GATAD1: variants seen among roughly 807,000 people sequenced by gnomAD.
The protein encoded by GATAD1 is GATA zinc finger domain-containing protein 1.
Under a neutral mutation model 26.5 loss-of-function variants are expected in GATAD1, and 12 were observed. That is an observed-to-expected ratio of 0.45 (90% confidence interval 0.29 to 0.73). GATAD1 has a LOEUF of 0.73. Ranked by LOEUF, GATAD1 falls within the 30% of genes least tolerant of loss-of-function variation. The probability of loss-of-function intolerance (pLI) is 0.10; values close to 1 mark genes in which losing one functional copy is unlikely to be tolerated. For missense variants in GATAD1, 266 were observed against 342.1 expected (o/e 0.78, Z 1.75); for synonymous variants, 129 against 133.1 (o/e 0.97, Z 0.21).
the GATAD1 span, among the ~76,000 whole-genome samples, chr7:92,466,210 G>A: frequency 1.3e-5 from 2 of 151,796 alleles, no homozygotes; most frequent in South Asian, 2.1e-4. Flanking sequence ...ACTGTCACCC[G>A]GGCTGGAGTG....
the GATAD1 span, chr7:92,487,378 G>A: frequency 4.0e-6 from 3 of 746,906 alleles, no homozygotes; most frequent in Non-Finnish European, 7.0e-6. Flanking sequence ...GAAATTCATA[G>A]ACACCATTTT....
chr7:92,479,019 A>ACACCG, the GATAD1 span, among the ~76,000 whole-genome samples: 1 of 152,194 alleles, frequency 6.6e-6, no homozygotes, highest in Non-Finnish European at 1.5e-5. Context: ...TGCAAATCAG[A>ACACCG]CACCGCCTCC....
the GATAD1 span, among the ~76,000 whole-genome samples, chr7:92,488,606 T>C: frequency 6.6e-6 from 1 of 152,188 alleles, no homozygotes; most frequent in African/African-American, 2.4e-5. Context: ...TTGAGGTCAA[T>C]AAAATATTAA....
chr7:92,479,186 G>A, the GATAD1 span, among the ~76,000 whole-genome samples: 3 of 152,130 alleles, frequency 2.0e-5, no homozygotes, highest in Non-Finnish European at 2.9e-5. Context: ...ATGTGTGTCC[G>A]TGTTGTTGTC....
the GATAD1 span, among the ~76,000 whole-genome samples, chr7:92,492,326 C>T: frequency 0.93 from 141,653 of 152,208 alleles, 66,015 homozygotes; most frequent in African/African-American, 0.98. Flanking sequence ...AAATTTTTCA[C>T]AGAGACAAGA....
the GATAD1 span, chr7:92,468,619 C>T: frequency 3.6e-6 from 2 of 560,650 alleles, no homozygotes; most frequent in Non-Finnish European, 6.3e-6. Flanking sequence ...GTTGCAAGCC[C>T]CGTGTTTAAA....
chr7:92,479,780 G>A, the GATAD1 span, among the ~76,000 whole-genome samples: 4,857 of 152,124 alleles, frequency 0.032, 108 homozygotes, highest in Non-Finnish European at 0.042. Context: ...GGTAAGGGGC[G>A]ATATTGTGGG....
chr7:92,450,689 G>A lies in GATAD1; in HGVS notation c.376-12G>A. The A allele has an allele frequency of 6.3e-7, 1 of 1,587,224 alleles. No homozygotes were observed. Among genetic ancestry groups the A allele is most frequent in the Non-Finnish European group, 8.7e-7 (1 of 1,156,064 alleles). On this transcript the variant is annotated splice_polypyrimidine_tract_variant and intron_variant, in intron 2 of 4. Transcript: ENST00000287957. ...TACTATGAATGTGCTAATGTTTTTT[G>A]TATTTTCATAGCCCATCAAAGCTCC...
the GATAD1 span, chr7:92,469,437 GT>G: frequency 1.3e-6 from 1 of 771,132 alleles, no homozygotes; most frequent in Non-Finnish European, 2.4e-6. Flanking sequence ...GTACTCTTTT[GT>G]TGCGGGGCTT....
chr7:92,465,623 A>G, the GATAD1 span, among the ~76,000 whole-genome samples: 1 of 152,086 alleles, frequency 6.6e-6, no homozygotes. Context: ...CATCTCAAAA[A>G]AAAAAAGAAA....
At chr7:92,455,453 C>T (rs998052194) in intron 4 of GATAD1, among the ~76,000 whole-genome samples, 12 of 152,188 alleles carry the variant, frequency 7.9e-5, no homozygotes, top group African/African-American at 2.9e-4. Context: ...GCATGCTACA[C>T]ATGTCATCTT....
At chr7:92,468,772 C>T in the GATAD1 span, 1 of 734,968 alleles carries the variant, frequency 1.4e-6, no homozygotes, top group Non-Finnish European at 2.5e-6. Flanking sequence ...GCTCTAACTG[C>T]TTCCTGCTGA....
chr7:92,452,547 A>G (rs1338129334), intron 3 of GATAD1, among the ~76,000 whole-genome samples: 2 of 152,122 alleles, frequency 1.3e-5, no homozygotes, highest in African/African-American at 2.4e-5. Flanking sequence ...GTGGCAGAAC[A>G]ACTCCATGAA....
chr7:92,455,152 T>C (rs1280192830), intron 4 of GATAD1, among the ~76,000 whole-genome samples: 1 of 151,780 alleles, frequency 6.6e-6, no homozygotes, highest in East Asian at 1.9e-4. Context: ...AAAGCATGAG[T>C]ATTATTAAGT....
the GATAD1 span, chr7:92,468,636 T>C: frequency 2.5e-4 from 147 of 580,592 alleles, no homozygotes; most frequent in Non-Finnish European, 4.0e-4. Context: ...TAAAGGTGGA[T>C]GTGGTCACCT....
chr7:92,479,349 G>C, the GATAD1 span, among the ~76,000 whole-genome samples: 1 of 152,164 alleles, frequency 6.6e-6, no homozygotes, highest in Non-Finnish European at 1.5e-5. Context: ...GTGGGTAGTG[G>C]AGGGGCAGGG....
At chr7:92,467,270 A>C in the GATAD1 span, among the ~76,000 whole-genome samples, 1 of 152,048 alleles carries the variant, frequency 6.6e-6, no homozygotes, top group East Asian at 1.9e-4. Context: ...CCGAGATTGC[A>C]CCATTGCACT....
chr7:92,476,926 AT>A, the GATAD1 span, among the ~76,000 whole-genome samples: 1 of 152,172 alleles, frequency 6.6e-6, no homozygotes, highest in Non-Finnish European at 1.5e-5. Flanking sequence ...GTCTGAACCA[AT>A]AGTACCTAGG....
the GATAD1 span, chr7:92,470,248 C>A: frequency 1.3e-5 from 10 of 778,546 alleles, no homozygotes; most frequent in Non-Finnish European, 2.2e-5. Flanking sequence ...ATCAATATTT[C>A]CGGGACGCTG....
Sources: allele counts gnomAD v4.1 joint callset (sites outside exome capture counted in the v4.1 genomes callset), GRCh38; gene constraint gnomAD v4.1.1; transcripts MANE v1.5; gene names NCBI Gene and HGNC (gene_info 2026-07-23, HGNC 2026-07-21).